ZWILCH: variants seen among roughly 807,000 people sequenced by gnomAD.
ZWILCH encodes the protein zwilch kinetochore protein.
ZWILCH carries 74 observed loss-of-function variants against 79.9 expected under a neutral mutation model. The observed-to-expected ratio is 0.93, with a 90% CI of 0.77 to 1.12. The LOEUF is 1.12. Ranked by LOEUF, ZWILCH falls within the 50% of genes most tolerant of loss-of-function variation. The pLI, the probability that ZWILCH is intolerant of heterozygous loss-of-function variation, is 0.00. For missense variants in ZWILCH, 694 were observed against 687.5 expected (o/e 1.01, Z -0.11); for synonymous variants, 241 against 228.2 (o/e 1.06, Z -0.51).
chr15:66,521,252 T>G (rs1003800943), intron 7 of ZWILCH, 47 bp downstream of exon 7: 1 of 1,593,696 alleles, frequency 6.3e-7, no homozygotes, highest in Non-Finnish European at 8.5e-7. Flanking sequence ...GACTCCTAAA[T>G]GTTGGCTTAC....
In ZWILCH at chr15:66,537,138, TCCAAAAGAGG is replaced by T. The variant is rs1310672999; in HGVS notation, c.1479-29_1479-20del. On this transcript the variant is annotated intron_variant, in intron 15 of 18. Transcript: ENST00000307897. ...AACGTTATGTCAAATGGCTCTTTTTTCCAAAAGAGGTTCCATTTTGTTTTTTCAGGATCTG... is the reference window on the plus strand; with the variant it reads ...AACGTTATGTCAAATGGCTCTTTTTTTTCCATTTTGTTTTTTCAGGATCTG... The T allele has an allele frequency of 6.4e-7, 1 of 1,573,794 alleles. No individual in the cohort carries two copies. Among genetic ancestry groups the T allele is most frequent in the Admixed American group, 1.7e-5 (1 of 58,980 alleles).
chr15:66,532,951 A>G, intron 13 of ZWILCH, 34 bp from the exon 14 acceptor site: 1 of 1,472,496 alleles, frequency 6.8e-7, no homozygotes, highest in Non-Finnish European at 9.2e-7. Flanking sequence ...AAATACCTGA[A>G]GTGTTTTTGC....
intron 2 of ZWILCH, among the ~76,000 whole-genome samples, chr15:66,513,228 G>T (rs1281034376): frequency 1.3e-5 from 2 of 152,108 alleles, no homozygotes; most frequent in Non-Finnish European, 2.9e-5. Context: ...ACTGTACCCA[G>T]CCTGTTTTCA....
intron 3 of ZWILCH, chr15:66,514,386 A>G: frequency 6.1e-6 from 1 of 165,098 alleles, no homozygotes; most frequent in South Asian, 1.4e-4. Flanking sequence ...GCTCACTGCA[A>G]CCTTCACCTC....
rs763633068 is a variant in ZWILCH, at chr15:66,527,286, G to A, written c.820-4G>A. 2.0e-4 allele frequency: 315 copies of A among 1,613,196 alleles called. 2 individuals carry two copies. Among genetic ancestry groups the A allele is most frequent in the Middle Eastern group, 1.5e-3 (9 of 6,054 alleles). On this transcript the variant is annotated splice_region_variant and splice_polypyrimidine_tract_variant and intron_variant, in intron 8 of 18. Transcript: ENST00000307897. ...AGTTTTTGGGGTTTTTAAATCTCCT[G>A]TAGGTTTTGGCTGATGGTTTGAGGA... is the stretch of plus-strand genomic sequence containing the variant.
chr15:66,549,928 A>G lies in ZWILCH; in HGVS notation c.*1604A>G. On this transcript the variant is annotated 3_prime_UTR_variant, in exon 19 of 19. Transcript: ENST00000307897. ...TCAAAGAAACCTGATTTTAATCATA[A>G]GTAGTTTTGGAAGATTGACTTCAAG... 1 of 590,232 alleles carries G rather than the reference A, an allele frequency of 1.7e-6. No homozygotes were observed. 36.6% of individuals were successfully genotyped at this position (590,232 alleles called of 1,614,324 possible). A position where few individuals can be genotyped will look rare whatever the true frequency, so the allele number is the denominator to read the frequency against.
Position 66,514,047 on chromosome 15 carries a change from A to G in ZWILCH, c.165A>G (p.Leu55=). ...AACCAAACCCTTTGAAAAATATTCT[A>G]AATGAAAATGACATAGTATTCATAG... The part of the protein sequence containing the change: ...KGQPNPLKNI[L]NENDIVFIVE... Residue 55 remains leucine, a synonymous_variant, in exon 3 of 19, where the codon CTA becomes CTG. Transcript: ENST00000307897. The G allele has an allele frequency of 6.2e-7, 1 of 1,612,172 alleles. No individual in the cohort carries two copies. The highest frequency in any genetic ancestry group is 8.5e-7 in the Non-Finnish European group (1 of 1,179,042).
intron 2 of ZWILCH, 114 bp from the exon 3 acceptor site, chr15:66,513,874 A>G (rs1046517228): frequency 3.6e-5 from 27 of 756,838 alleles, no homozygotes; most frequent in Non-Finnish European, 3.4e-5. Flanking sequence ...CCCGGCCGAG[A>G]CTCTGTCTCT....
chr15:66,539,495 T>G (rs1019438763), intron 16 of ZWILCH, among the ~76,000 whole-genome samples: 2 of 152,190 alleles, frequency 1.3e-5, no homozygotes, highest in South Asian at 4.2e-4. Context: ...ACATCATCAT[T>G]ACTTTGTTTC....
At chr15:66,541,302 A>G (rs1011398012) in intron 17 of ZWILCH, among the ~76,000 whole-genome samples, 1 of 152,090 alleles carries the variant, frequency 6.6e-6, no homozygotes, top group Non-Finnish European at 1.5e-5. Flanking sequence ...CACCACACAC[A>G]CACACGCACA....
rs901178254 is a variant in ZWILCH at position 66,521,124 on chromosome 15, A to G, written c.666A>G (p.Gln222=). The change falls in exon 7 of 19, where the codon CAA becomes CAG. Residue 222 remains glutamine (Q), a synonymous_variant. Coordinates refer to ENST00000307897, the MANE Select transcript of ZWILCH (RefSeq NM_017975.5). The stretch of plus-strand genomic sequence containing the variant: ...TGGATGATACAATCACAGCATCACA[A>G]ACTGCGATCGCTTTGGATATTTCCT... ...SALDDTITAS[Q]TAIALDISWS... is the part of the protein sequence containing the mutation. 7.4e-6 allele frequency: 12 copies of G among 1,614,012 alleles called. No homozygotes were observed. The highest frequency in any genetic ancestry group is 1.0e-5 in the Non-Finnish European group (12 of 1,180,024).
chr15:66,526,289 T>G (rs945679623), intron 8 of ZWILCH, among the ~76,000 whole-genome samples: 3 of 152,166 alleles, frequency 2.0e-5, no homozygotes, highest in African/African-American at 7.2e-5. Flanking sequence ...TAGCTACTAT[T>G]TCTTCTAATC....
intron 12 of ZWILCH, among the ~76,000 whole-genome samples, chr15:66,531,884 TG>T (rs900886344): frequency 1.3e-5 from 2 of 151,740 alleles, no homozygotes; most frequent in Non-Finnish European, 2.9e-5. Context: ...CTGGCCAACA[TG>T]GTGAAACCCC....
At chr15:66,546,053 G>T (rs1011408301) in intron 17 of ZWILCH, among the ~76,000 whole-genome samples, 1 of 152,208 alleles carries the variant, frequency 6.6e-6, no homozygotes, top group Non-Finnish European at 1.5e-5. Context: ...CCAGTGGAGT[G>T]CTGCTCACCC....
At chr15:66,515,348 A>AT in intron 3 of ZWILCH, among the ~76,000 whole-genome samples, 178 bp from the exon 4 acceptor site, 1 of 152,142 alleles carries the variant, frequency 6.6e-6, no homozygotes, top group East Asian at 1.9e-4. Context: ...TGATGGCAAG[A>AT]TTTTTTGGTA....
chr15:66,537,176 TAA>T lies in ZWILCH; in HGVS notation c.1489_1490del (p.Lys497ValfsTer8), dbSNP rs1895041444. 1 of 1,613,054 alleles carries T rather than the reference TAA, an allele frequency of 6.2e-7. No individual in the cohort carries two copies. The highest frequency in any genetic ancestry group is 2.2e-5 in the East Asian group (1 of 44,858). On this transcript the variant is annotated frameshift_variant, in exon 16 of 19. Transcript: ENST00000307897. LOFTEE classifies it high-confidence loss of function. ...CCATTTTGTTTTTTCAGGATCTGCA[TAA>T]AGTATTACAAACAAAATCCTCTTGA...
intron 6 of ZWILCH, 84 bp from the exon 7 acceptor site, chr15:66,520,966 G>T: frequency 4.1e-6 from 6 of 1,475,316 alleles, no homozygotes; most frequent in Non-Finnish European, 5.5e-6. Flanking sequence ...TTTCTTTTGG[G>T]ACAAGGATCA....
chr15:66,531,069 G>A (rs930267100), intron 12 of ZWILCH, among the ~76,000 whole-genome samples: 1 of 152,014 alleles, frequency 6.6e-6, no homozygotes. Flanking sequence ...AGAAAGTAGT[G>A]GGGAAATGAC....
At position 66,549,876 on chromosome 15, in the gene ZWILCH, G is replaced by C. The variant is rs1895533142; in HGVS notation, c.*1552G>C. 1 of 476,600 alleles carries C rather than the reference G, an allele frequency of 2.1e-6. No homozygotes were observed. The highest frequency in any genetic ancestry group is 4.3e-5 in the South Asian group (1 of 23,008). The allele number at this position is 476,600 out of a possible 1,614,324, so 29.5% of individuals were successfully genotyped here. ...CATGGTAGATTAAATGCTTTAAAAT[G>C]CTTATAAATAGAAATTTGACATTGC... On this transcript the variant is annotated 3_prime_UTR_variant, in exon 19 of 19. Coordinates refer to ENST00000307897, the MANE Select transcript of ZWILCH (RefSeq NM_017975.5).
Sources: gnomAD v4.1 joint callset for allele counts (sites outside exome capture counted in the v4.1 genomes callset) on GRCh38, gnomAD v4.1.1 for gene constraint, MANE v1.5 for transcripts, NCBI Gene and HGNC (gene_info 2026-07-23, HGNC 2026-07-21) for gene names.